The following FILIP1L variants were observed in gnomAD, a reference collection of about 807,000 sequenced individuals.
FILIP1L encodes the protein filamin A interacting protein 1 like.
In FILIP1L, 55 loss-of-function variants were observed where a neutral mutation model predicts 96.6. The observed-to-expected ratio is 0.57, with a 90% CI of 0.46 to 0.71. The LOEUF is 0.71. FILIP1L is among the 30% of genes least tolerant of loss of function. FILIP1L has a pLI of 0.00. For synonymous variants in FILIP1L, 467 were observed against 473.9 expected (o/e 0.99, Z 0.19); for missense variants, 1,304 against 1,321.2 (o/e 0.99, Z 0.20).
rs1232469388 is a variant in FILIP1L at position 99,850,913 on chromosome 3, G to A, written c.763C>T (p.Leu255Phe). ...EQQRLTAQLT[L>F]QRQKIQELTT... ...AGCTCTTGGATTTTCTGTCTTTGAA[G>A]GGTGAGCTGTGCCGTCAGCCTTTGC... is the stretch of plus-strand genomic sequence containing the variant. The change falls in exon 5 of 6, where the codon CTT becomes TTT. Residue 255 changes from leucine (L) to phenylalanine (F), a missense_variant. By Grantham distance (22) the Leu-to-Phe change is conservative. Transcript: ENST00000477258. The A allele has an allele frequency of 2.5e-6, 4 of 1,614,148 alleles. No individual in the cohort carries two copies. The highest frequency in any genetic ancestry group is 1.7e-5 in the Admixed American group (1 of 60,022).
intron 1 of FILIP1L, among the ~76,000 whole-genome samples, chr3:99,956,058 T>C (rs1343433220): frequency 1.3e-5 from 2 of 152,194 alleles, no homozygotes; most frequent in African/African-American, 4.8e-5. Flanking sequence ...GACTGACACG[T>C]TTTTAAGTTT....
At chr3:100,042,583 C>G (rs1559736947) in intron 1 of FILIP1L, among the ~76,000 whole-genome samples, 1 of 152,120 alleles carries the variant, frequency 6.6e-6, no homozygotes, top group African/African-American at 2.4e-5. Context: ...ATGTATGGTT[C>G]AGACATTGTT....
rs1263779049 is a variant in FILIP1L, at chr3:99,850,883, T to G, written c.793A>C (p.Thr265Pro). 8.1e-6 allele frequency: 13 copies of G among 1,614,096 alleles called. No individual in the cohort carries two copies. Among genetic ancestry groups the G allele is most frequent in the Non-Finnish European group, 1.0e-5 (12 of 1,180,048 alleles). ...TTGGTATGTGTTTCCTTTGCATTTGTGGTCAGCTCTTGGATTTTCTGTCTT... is the reference window on the plus strand; with the variant it reads ...TTGGTATGTGTTTCCTTTGCATTTGGGGTCAGCTCTTGGATTTTCTGTCTT... ...LQRQKIQELTTNAKETHTKLA... is the reference protein window; with the variant it reads ...LQRQKIQELTPNAKETHTKLA... Residue 265 changes from threonine to proline, a missense_variant, in exon 5 of 6, where the codon ACA (threonine) becomes CCA (proline). Transcript: ENST00000477258.
intron 5 of FILIP1L, among the ~76,000 whole-genome samples, chr3:99,833,485 C>T (rs536935899): frequency 6.6e-6 from 1 of 152,330 alleles, no homozygotes; most frequent in Admixed American, 6.5e-5. Context: ...AGCCCAATTT[C>T]TACATGACTC....
intron 4 of FILIP1L, among the ~76,000 whole-genome samples, chr3:99,854,067 T>G (rs551696942): frequency 2.0e-5 from 3 of 152,296 alleles, no homozygotes; most frequent in Non-Finnish European, 2.9e-5. Context: ...GCACTTCTGA[T>G]AGTGATGAAT....
chr3:100,002,080 G>A (rs75392588), intron 1 of FILIP1L, among the ~76,000 whole-genome samples: 1,794 of 152,240 alleles, frequency 0.012, 14 homozygotes, highest in African/African-American at 0.018. Flanking sequence ...GGAAAAGCGC[G>A]GTGCCACTGC....
At chr3:99,986,221 G>A (rs750388848) in intron 1 of FILIP1L, among the ~76,000 whole-genome samples, 4 of 152,186 alleles carry the variant, frequency 2.6e-5, no homozygotes, top group Non-Finnish European at 5.9e-5. Context: ...TCAATAGAAT[G>A]GTTGGTAGAT....
At chr3:99,894,737 A>G (rs1261966940) in intron 4 of FILIP1L, among the ~76,000 whole-genome samples, 2 of 152,216 alleles carry the variant, frequency 1.3e-5, no homozygotes, top group African/African-American at 4.8e-5. Flanking sequence ...CTCAACCCAT[A>G]ATAAAGCTGA....
At chr3:100,055,073 C>T (rs1258141774) in intron 1 of FILIP1L, among the ~76,000 whole-genome samples, 1 of 152,158 alleles carries the variant, frequency 6.6e-6, no homozygotes, top group Non-Finnish European at 1.5e-5. Flanking sequence ...TCACAGTTGT[C>T]TTTCTGGAAG....
intron 1 of FILIP1L, among the ~76,000 whole-genome samples, chr3:100,073,412 T>TC: frequency 6.6e-6 from 1 of 152,154 alleles, no homozygotes; most frequent in Admixed American, 6.5e-5. Flanking sequence ...GTCATGAAAG[T>TC]ATACATTTAA....
chr3:99,840,559 T>G (rs182522021), intron 5 of FILIP1L, among the ~76,000 whole-genome samples: 1 of 152,266 alleles, frequency 6.6e-6, no homozygotes, highest in Non-Finnish European at 1.5e-5. Context: ...ATCTAGTAGT[T>G]TTGACATCTG....
chr3:99,983,410 ATATATATATGTATG>A (rs1186245084), intron 1 of FILIP1L, among the ~76,000 whole-genome samples: 3 of 108,968 alleles, frequency 2.8e-5, no homozygotes, highest in African/African-American at 1.1e-4. Context: ...ATATATATAT[ATATATATATGTATG>A]TATGTATGTA....
chr3:99,844,071 C>T (rs989073336), intron 5 of FILIP1L, among the ~76,000 whole-genome samples: 3 of 148,372 alleles, frequency 2.0e-5, no homozygotes, highest in African/African-American at 7.5e-5. Context: ...TGTACAGTAT[C>T]GGTTGTTTAC....
rs982825245 is a variant in FILIP1L, at chr3:99,839,404, A to G, written c.3382-8799T>C. On this transcript the variant is annotated intron_variant, in intron 5 of 5. Coordinates refer to ENST00000477258, the MANE Select transcript of FILIP1L (RefSeq NM_001387850.1). ...TGGTTGAGGAATGAAGGAAGCCTGT[A>G]TCCTAATAGAAGACATTCATGCCTG... 1.3e-5 allele frequency among the ~76,000 whole-genome samples: 2 copies of G among 152,348 alleles called. 1 individual carries two copies. Among genetic ancestry groups the G allele is most frequent in the Admixed American group, 1.3e-4 (2 of 15,310 alleles).
At chr3:100,039,711 T>TGGTA (rs2065169327) in intron 1 of FILIP1L, 1 of 152,062 alleles carries the variant, frequency 6.6e-6, no homozygotes, top group African/African-American at 2.4e-5. Flanking sequence ...AAATGGCATG[T>TGGTA]GGTAATTCCC....
chr3:99,924,491 G>T, intron 3 of FILIP1L, 83 bp from the exon 4 acceptor site: 2 of 1,358,812 alleles, frequency 1.5e-6, no homozygotes, highest in Non-Finnish European at 2.1e-6. Context: ...TCCCTGTTTT[G>T]ATTAATTCGG....
chr3:99,913,821 A>G (rs148127916), intron 4 of FILIP1L, among the ~76,000 whole-genome samples: 1 of 152,258 alleles, frequency 6.6e-6, no homozygotes, highest in African/African-American at 2.4e-5. Flanking sequence ...AAAACGTAGA[A>G]AACACATATT....
intron 4 of FILIP1L, among the ~76,000 whole-genome samples, chr3:99,899,170 A>G (rs1706356424): frequency 6.6e-6 from 1 of 152,212 alleles, no homozygotes; most frequent in Non-Finnish European, 1.5e-5. Context: ...ATCTAAAAAT[A>G]TCTTTTAAAA....
chr3:99,845,713 A>G (rs149022997), intron 5 of FILIP1L, among the ~76,000 whole-genome samples: 7 of 152,350 alleles, frequency 4.6e-5, no homozygotes, highest in Non-Finnish European at 7.3e-5. Flanking sequence ...GTGTAATTCT[A>G]TAGAAAAAAA....
Sources: allele counts gnomAD v4.1 joint callset (sites outside exome capture counted in the v4.1 genomes callset), GRCh38; gene constraint gnomAD v4.1.1; transcripts MANE v1.5; gene names NCBI Gene and HGNC (gene_info 2026-07-23, HGNC 2026-07-21).